Variants in KLHL38 observed in about 807,000 individuals in gnomAD.
KLHL38 encodes the protein kelch-like protein 38.
KLHL38 carries 38 observed loss-of-function variants against 39.6 expected under a neutral mutation model. The observed-to-expected ratio is 0.96, with a 90% CI of 0.74 to 1.26. KLHL38 has a LOEUF of 1.26. KLHL38 is among the 50% of genes most tolerant of loss of function. KLHL38 has a pLI of 0.00. For missense variants in KLHL38, 803 were observed against 748.1 expected, an observed-to-expected ratio of 1.07 and a Z score of -0.86; for synonymous variants, 322 against 302.2, an observed-to-expected ratio of 1.07 and a Z score of -0.68.
At chr8:123,648,426 G>A (rs1002210402) in intron 2 of KLHL38, among the ~76,000 whole-genome samples, 2 of 152,206 alleles carry the variant, frequency 1.3e-5, no homozygotes, top group Non-Finnish European at 2.9e-5. Flanking sequence ...AATCCTGGAA[G>A]AGGCCAAGTG....
At chr8:123,650,211 G>A (rs190574408) in intron 2 of KLHL38, among the ~76,000 whole-genome samples, 2 of 152,186 alleles carry the variant, frequency 1.3e-5, no homozygotes, top group African/African-American at 4.8e-5. Context: ...CTCTGGACCA[G>A]CGGTGTCCAA....
At chr8:123,646,697 T>C (rs1177845203) in intron 3 of KLHL38, among the ~76,000 whole-genome samples, 1 of 152,234 alleles carries the variant, frequency 6.6e-6, no homozygotes, top group Non-Finnish European at 1.5e-5. Flanking sequence ...CTCTGTGAGA[T>C]AGGTATTATT....
Position 123,645,613 on chromosome 8 carries a change from C to T in KLHL38, c.*126G>A. On this transcript the variant is annotated 3_prime_UTR_variant, in exon 4 of 4. Transcript: ENST00000684634. Reference sequence around the variant, plus strand: ...AATGCAATGCCTAGTTCCAGGCCTCCCGACTCTGGTACCTCAGTCTTGTGA... The same window carrying T: ...AATGCAATGCCTAGTTCCAGGCCTCTCGACTCTGGTACCTCAGTCTTGTGA... 9.7e-7 allele frequency: 1 copy of T among 1,033,250 alleles called. No homozygotes were observed. Among genetic ancestry groups the T allele is most frequent in the Non-Finnish European group, 1.4e-6 (1 of 702,596 alleles). The allele number at this position is 1,033,250 out of a possible 1,614,324, so 64.0% of individuals were successfully genotyped here.
At chr8:123,653,035 C>T (rs1159111167) in intron 1 of KLHL38, 108 bp from the exon 2 acceptor site, 3 of 1,115,906 alleles carry the variant, frequency 2.7e-6, no homozygotes, top group Middle Eastern at 2.9e-4. Context: ...GCTCCTATTC[C>T]ATTCCCCATG....
Position 123,645,477 on chromosome 8 carries a change from G to GGGAGAGAC in KLHL38, c.*261_*262insGTCTCTCC, listed in dbSNP as rs1554587886. The GGGAGAGAC allele has an allele frequency of 2.7e-5, 13 of 475,122 alleles. No individual in the cohort carries two copies. The highest frequency in any genetic ancestry group is 2.5e-4 in the African/African-American group (11 of 43,676). 29.4% of individuals were successfully genotyped at this position (475,122 alleles called of 1,614,324 possible). A position where few individuals can be genotyped will look rare whatever the true frequency, so the allele number is the denominator to read the frequency against. ...AGAGAGAGAGAGAGAGAGAGAGAGA[G>GGGAGAGAC]AGACAGACAGAGATAGGGGAGAGAA... is the stretch of plus-strand genomic sequence containing the variant. On this transcript the variant is annotated 3_prime_UTR_variant, in exon 4 of 4. Coordinates refer to ENST00000684634, the MANE Select transcript of KLHL38 (RefSeq NM_001081675.3).
rs773078118 is a variant in KLHL38, at chr8:123,646,927, G to T, written c.1438C>A (p.Arg480=). The T allele has an allele frequency of 1.2e-6, 2 of 1,611,758 alleles. No homozygotes were observed. The highest frequency in any genetic ancestry group is 1.7e-6 in the Non-Finnish European group (2 of 1,178,738). Residue 480 remains arginine (R), a synonymous_variant, in exon 3 of 4, where the codon CGG becomes AGG. Transcript: ENST00000684634. ...GACTCACCTCCCACAATGACAATCC[G>T]CTCCCCAAGCACCACTGCAGGGGCA... is the stretch of plus-strand genomic sequence containing the variant. The part of the protein sequence containing the change: ...VCAPAVVLGE[R]IVIVGGYTRR...
rs1483632655 is a variant in KLHL38, at chr8:123,652,394, A to G, written c.533T>C (p.Leu178Ser). 6.2e-7 allele frequency: 1 copy of G among 1,614,040 alleles called. No individual in the cohort carries two copies. The highest frequency in any genetic ancestry group is 8.5e-7 in the Non-Finnish European group (1 of 1,180,026). ...ASADLKELCA[L>S]ELRDYLGDDG... ...ATCTCCGAGATAGTCCCTCAACTCC[A>G]AGGCACAGAGCTCCTTCAGGTCGGC... Residue 178 changes from leucine to serine, a missense_variant, in exon 2 of 4, where the codon TTG becomes TCG. By Grantham distance (145) the Leu-to-Ser change is moderately radical (BLOSUM62 -2). Transcript: ENST00000684634.
Position 123,652,682 on chromosome 8 carries a change from G to T in KLHL38, c.245C>A (p.Pro82His). Residue 82 changes from proline (P) to histidine (H), a missense_variant, in exon 2 of 4, where the codon CCC becomes CAC. Transcript: ENST00000684634. Reference protein sequence around the residue: ...EAKVQLKGIDPPTLDQIVSYV... With the variant: ...EAKVQLKGIDHPTLDQIVSYV... Reference sequence around the variant, plus strand: ...GGAGACGATCTGGTCCAGGGTTGGGGGGTCAATGCCTTTCAGCTGCACTTT... The same window carrying T: ...GGAGACGATCTGGTCCAGGGTTGGGTGGTCAATGCCTTTCAGCTGCACTTT... 2 of 1,614,194 alleles carry T rather than the reference G, an allele frequency of 1.2e-6. No individual in the cohort carries two copies. The highest frequency in any genetic ancestry group is 1.7e-6 in the Non-Finnish European group (2 of 1,180,028).
At position 123,645,659 on chromosome 8, in the gene KLHL38, G is replaced by C; in HGVS notation, c.*80C>G. Reference sequence around the variant, plus strand: ...TGTGAGCTCTCCCTGCAGCCTTTAAGGGTTAAGCCCTTTGGAGCTGGGTTT... The same window carrying C: ...TGTGAGCTCTCCCTGCAGCCTTTAACGGTTAAGCCCTTTGGAGCTGGGTTT... On this transcript the variant is annotated 3_prime_UTR_variant, in exon 4 of 4. Coordinates refer to ENST00000684634, the MANE Select transcript of KLHL38 (RefSeq NM_001081675.3). 6.6e-7 allele frequency: 1 copy of C among 1,505,708 alleles called. No individual in the cohort carries two copies. Among genetic ancestry groups the C allele is most frequent in the Non-Finnish European group, 9.1e-7 (1 of 1,100,990 alleles). The allele number at this position is 1,505,708 out of a possible 1,614,324, so 93.3% of individuals were successfully genotyped here. A position where few individuals can be genotyped will look rare whatever the true frequency, so the allele number is the denominator to read the frequency against.
intron 2 of KLHL38, among the ~76,000 whole-genome samples, chr8:123,650,070 C>A (rs564501637): frequency 1.9e-4 from 29 of 150,840 alleles, no homozygotes; most frequent in Non-Finnish European, 5.9e-5. Context: ...CACCCCACCC[C>A]TCCCCCTCCT....
chr8:123,652,813 G>A lies in KLHL38; in HGVS notation c.114C>T (p.Ile38=), dbSNP rs1812679267. 2 of 1,613,532 alleles carry A rather than the reference G, an allele frequency of 1.2e-6. No homozygotes were observed. Among genetic ancestry groups the A allele is most frequent in the Non-Finnish European group, 1.7e-6 (2 of 1,180,036 alleles). ...RQSRILTDVS[I]CAGAREIPCH... ...AGGGGATCTCCCGGGCACCGGCACA[G>A]ATGCTCACATCAGTCAGGATCCTGC... Residue 38 remains isoleucine, a synonymous_variant, in exon 2 of 4, where the codon ATC becomes ATT. Coordinates refer to ENST00000684634, the MANE Select transcript of KLHL38 (RefSeq NM_001081675.3).
In KLHL38 at chr8:123,645,814, T is replaced by TC; in HGVS notation, c.1670dup (p.Gln558ThrfsTer8). 1 of 1,613,236 alleles carries TC rather than the reference T, an allele frequency of 6.2e-7. No individual in the cohort carries two copies. ...GGTCAAAGAGCTTGTGCGGCAGCTG[T>TC]CCCTGGGATGTCCAGGTGTCCGTCT... On this transcript the variant is annotated frameshift_variant, in exon 4 of 4. Transcript: ENST00000684634. LOFTEE classifies it high-confidence loss of function.
chr8:123,650,758 T>C (rs1812628362), intron 2 of KLHL38, among the ~76,000 whole-genome samples: 1 of 152,230 alleles, frequency 6.6e-6, no homozygotes, highest in Non-Finnish European at 1.5e-5. Flanking sequence ...TTTCCCAACC[T>C]GGCTGCAACT....
At chr8:123,651,279 G>T (rs1456635588) in intron 2 of KLHL38, among the ~76,000 whole-genome samples, 1 of 152,182 alleles carries the variant, frequency 6.6e-6, no homozygotes, top group East Asian at 1.9e-4. Flanking sequence ...ATATGTAAAT[G>T]TGTGTATGCA....
intron 1 of KLHL38, 117 bp from the exon 2 acceptor site, chr8:123,653,044 T>C (rs1812689347): frequency 9.5e-7 from 1 of 1,056,490 alleles, no homozygotes; most frequent in African/African-American, 1.6e-5. Flanking sequence ...CCATTCCCCA[T>C]GATGTTTGCG....
chr8:123,650,725 C>A, intron 2 of KLHL38, among the ~76,000 whole-genome samples: 1 of 152,170 alleles, frequency 6.6e-6, no homozygotes, highest in Non-Finnish European at 1.5e-5. Flanking sequence ...AAATTAATGT[C>A]TGCCGATCAT....
intron 2 of KLHL38, among the ~76,000 whole-genome samples, chr8:123,647,664 T>C (rs939510709): frequency 7.9e-5 from 12 of 152,236 alleles, no homozygotes; most frequent in African/African-American, 2.4e-4. Flanking sequence ...TAGTTCATTA[T>C]GGGCAAAATT....
intron 3 of KLHL38, 106 bp from the exon 4 acceptor site, chr8:123,646,134 T>G: frequency 9.6e-7 from 1 of 1,043,286 alleles, no homozygotes; most frequent in South Asian, 1.5e-5. Flanking sequence ...AGGCTGAGGC[T>G]GGGGCTCTGA....
At position 123,645,747 on chromosome 8, in the gene KLHL38, G is replaced by C; in HGVS notation, c.1738C>G (p.Leu580Val). The change falls in exon 4 of 4, where the codon CTC (leucine) becomes GTC (valine). Residue 580 changes from leucine (L) to valine (V), a missense_variant. By Grantham distance (32) the Leu-to-Val change is conservative. Coordinates refer to ENST00000684634, the MANE Select transcript of KLHL38 (RefSeq NM_001081675.3). ...TLQCIPRTSGLP is the reference protein window; with the variant it reads ...TLQCIPRTSGVP ...AAGGTTTCTTGTCGACCTCATGGGA[G>C]GCCAGACGTGCGGGGTATGCACTGG... 1 of 1,613,230 alleles carries C rather than the reference G, an allele frequency of 6.2e-7. No individual in the cohort carries two copies. Among genetic ancestry groups the C allele is most frequent in the Non-Finnish European group, 8.5e-7 (1 of 1,179,284 alleles).
Sources: gnomAD v4.1 joint callset for allele counts (sites outside exome capture counted in the v4.1 genomes callset) on GRCh38, gnomAD v4.1.1 for gene constraint, MANE v1.5 for transcripts, NCBI Gene and HGNC (gene_info 2026-07-23, HGNC 2026-07-21) for gene names.